Variants in C11orf65 observed in about 807,000 individuals in gnomAD.
The protein encoded by C11orf65 is protein MFI.
C11orf65 carries 38 observed loss-of-function variants against 35.3 expected under a neutral mutation model. The ratio of observed to expected loss-of-function variants is 1.08; its 90% confidence interval spans 0.83 to 1.41. The LOEUF is 1.41. Among genes scored for constraint, C11orf65 ranks in the 40% most tolerant of loss-of-function variants. C11orf65 has a pLI of 0.00. For synonymous variants in C11orf65, 105 were observed against 114.4 expected (o/e 0.92, Z 0.53); for missense variants, 370 against 367.1 (o/e 1.01, Z -0.06).
At chr11:108,334,931 A>T (rs200440370) in intron 3 of C11orf65, 1 of 1,590,310 alleles carries the variant, frequency 6.3e-7, no homozygotes, top group Non-Finnish European at 8.6e-7. Flanking sequence ...CAAATAGTGT[A>T]TCTGACCTAT....
chr11:108,383,946 TCCA>T (rs1565629005), intron 8 of C11orf65, among the ~76,000 whole-genome samples: 1 of 148,314 alleles, frequency 6.7e-6, no homozygotes, highest in Admixed American at 6.8e-5. Flanking sequence ...TCGCACAGCC[TCCA>T]CCTCCTGGGC....
intron 1 of C11orf65, among the ~76,000 whole-genome samples, chr11:108,463,693 A>C (rs931501930): frequency 1.3e-5 from 2 of 152,216 alleles, no homozygotes; most frequent in Non-Finnish European, 2.9e-5. Flanking sequence ...GTTAGGATTA[A>C]GTCAGATAAC....
downstream of C11orf65, among the ~76,000 whole-genome samples, chr11:108,378,905 A>T (rs574893223): frequency 2.8e-4 from 43 of 152,112 alleles, 1 homozygote; most frequent in South Asian, 8.3e-3. Flanking sequence ...CATCAGAGAA[A>T]TGCAAATCAA....
chr11:108,378,185 C>A (rs1487968209), downstream of C11orf65, among the ~76,000 whole-genome samples: 1 of 152,066 alleles, frequency 6.6e-6, no homozygotes, highest in Non-Finnish European at 1.5e-5. Context: ...CAATCCTAAG[C>A]CAAAAGAACA....
In C11orf65 at chr11:108,404,471, G is replaced by A. The variant is rs187532629; in HGVS notation, c.560+958C>T. Among the ~76,000 whole-genome samples the A allele has an allele frequency of 3.0e-3, 457 of 152,056 alleles. 2 individuals are homozygous for A. The highest frequency in any genetic ancestry group is 0.011 in the African/African-American group (436 of 41,454). On this transcript the variant is annotated intron_variant, in intron 6 of 8. Transcript: ENST00000393084. ...CACCCAGGCTGGAGTGCAGTGGTGCGATCTCTGCTCACTGCAAGCTCCGCC... is the reference window on the plus strand; with the variant it reads ...CACCCAGGCTGGAGTGCAGTGGTGCAATCTCTGCTCACTGCAAGCTCCGCC...
intron 2 of C11orf65, among the ~76,000 whole-genome samples, chr11:108,459,696 G>A (rs1407185290): frequency 3.3e-5 from 5 of 150,500 alleles, no homozygotes; most frequent in Non-Finnish European, 7.4e-5. Context: ...GGGTTCTGGA[G>A]AGATAGAAGG....
chr11:108,446,604 G>A (rs1240479147), intron 2 of C11orf65, among the ~76,000 whole-genome samples: 1 of 151,970 alleles, frequency 6.6e-6, no homozygotes, highest in Non-Finnish European at 1.5e-5. Context: ...TCACCACCAG[G>A]CCTGCCCTAA....
At chr11:108,359,826 T>G (rs1277367516) in intron 2 of C11orf65, among the ~76,000 whole-genome samples, 3 of 151,990 alleles carry the variant, frequency 2.0e-5, no homozygotes, top group African/African-American at 7.3e-5. Flanking sequence ...TAGCACTAAA[T>G]GCCCACAAGA....
chr11:108,330,445 T>A (rs769672312), downstream of C11orf65: 3 of 1,611,738 alleles, frequency 1.9e-6, no homozygotes, highest in Admixed American at 3.3e-5. Context: ...AGCCCAATAT[T>A]CTACCCTGTG....
rs79436290 is a variant in C11orf65 at position 108,393,852 on chromosome 11, G to A, written c.561-474C>T. The stretch of plus-strand genomic sequence containing the variant: ...AAACAGATACCTTTTCTTTGTGCCA[G>A]GTACTTTTCATACAGTCTTATTTAA... On this transcript the variant is annotated intron_variant, in intron 6 of 8. Coordinates refer to ENST00000393084, the MANE Select transcript of C11orf65 (RefSeq NM_152587.5). 6.0e-3 allele frequency among the ~76,000 whole-genome samples: 920 copies of A among 152,276 alleles called. 6 individuals are homozygous for A. Among genetic ancestry groups the A allele is most frequent in the East Asian group, 0.011 (55 of 5,184 alleles).
At chr11:108,460,418 CTACCCT>C (rs1451649855) in intron 2 of C11orf65, among the ~76,000 whole-genome samples, 1 of 152,122 alleles carries the variant, frequency 6.6e-6, no homozygotes, top group Admixed American at 6.6e-5. Flanking sequence ...AAGACCAGCT[CTACCCT>C]TATAAAAGCA....
In C11orf65 at chr11:108,429,005, G is replaced by C. The variant is rs545003672; in HGVS notation, c.174+2741C>G. Among the ~76,000 whole-genome samples the C allele has an allele frequency of 4.6e-5, 7 of 152,142 alleles. No individual in the cohort carries two copies. In the East Asian group the frequency reaches 1.4e-3, roughly 29 times the overall value. On this transcript the variant is annotated intron_variant, in intron 3 of 8. Transcript: ENST00000393084. ...CTACAAAAAATGAAAAAATTAGCTG[G>C]GCATGGTGGCATGTGCCTGTTGCTC...
chr11:108,376,207 C>T (rs1047460961), intron 2 of C11orf65, among the ~76,000 whole-genome samples: 6 of 151,900 alleles, frequency 3.9e-5, no homozygotes, highest in African/African-American at 1.2e-4. Context: ...CACACCTATT[C>T]CAAAATTGAC....
chr11:108,367,417 T>TAGTTTGATACATAGG (rs1475047564), intron 2 of C11orf65: 1 of 199,142 alleles, frequency 5.0e-6, no homozygotes, highest in African/African-American at 2.3e-5. Flanking sequence ...CTTAGGTATC[T>TAGTTTGATACATAGG]AGTTTGATAC....
At chr11:108,314,521 T>C (rs189449353) in intron 6 of C11orf65, among the ~76,000 whole-genome samples, 6 of 152,186 alleles carry the variant, frequency 3.9e-5, no homozygotes, top group East Asian at 1.9e-4. Context: ...TTCATGAAAT[T>C]GTAGGCAATT....
chr11:108,385,903 T>C lies in C11orf65; in HGVS notation c.787+17A>G. 1 of 1,609,148 alleles carries C rather than the reference T, an allele frequency of 6.2e-7. No homozygotes were observed. Among genetic ancestry groups the C allele is most frequent in the Non-Finnish European group, 8.5e-7 (1 of 1,176,656 alleles). Reference sequence around the variant, plus strand: ...TTCATGAGAATTTCCTATAAAGTACTGCTAAAAATCACCTACCTTTGAAGT... The same window carrying C: ...TTCATGAGAATTTCCTATAAAGTACCGCTAAAAATCACCTACCTTTGAAGT... On this transcript the variant is annotated intron_variant, in intron 8 of 8. Transcript: ENST00000393084.
chr11:108,329,482 C>T (rs543902366), downstream of C11orf65, among the ~76,000 whole-genome samples: 6 of 151,924 alleles, frequency 3.9e-5, no homozygotes, highest in Non-Finnish European at 8.8e-5. Flanking sequence ...TCACTGTACT[C>T]CAGCTCACTG....
At chr11:108,379,940 G>T (rs1220229070), downstream of C11orf65, among the ~76,000 whole-genome samples, 1 of 152,194 alleles carries the variant, frequency 6.6e-6, no homozygotes, top group Admixed American at 6.5e-5. Context: ...TGAATTGTCA[G>T]ATCTAGCAGG....
rs541709110 is a variant in C11orf65, at chr11:108,363,742, C to T, written c.227-28450G>A. Among the ~76,000 whole-genome samples the T allele has an allele frequency of 5.9e-5, 9 of 152,324 alleles. No individual in the cohort carries two copies. In the South Asian group the frequency reaches 1.9e-3, roughly 32 times the overall value. On this transcript the variant is annotated intron_variant, in intron 2 of 3. Transcript: ENST00000524755. Reference sequence around the variant, plus strand: ...TTCCAACCACTTCTGTCTTGTCAGACTGAAACATAATTTTTTACTTATTCC... The same window carrying T: ...TTCCAACCACTTCTGTCTTGTCAGATTGAAACATAATTTTTTACTTATTCC...
Sources: gnomAD v4.1 joint callset for allele counts (sites outside exome capture counted in the v4.1 genomes callset) on GRCh38, gnomAD v4.1.1 for gene constraint, MANE v1.5 for transcripts, NCBI Gene and HGNC (gene_info 2026-07-23, HGNC 2026-07-21) for gene names.